The following USP34 variants were observed in gnomAD, a reference collection of about 807,000 sequenced individuals.
USP34 encodes the protein ubiquitin specific peptidase 34, also known as ubiquitin carboxyl-terminal hydrolase 34.
USP34 carries 70 observed loss-of-function variants against 460.3 expected under a neutral mutation model. The ratio of observed to expected loss-of-function variants is 0.15; its 90% confidence interval spans 0.13 to 0.19. The LOEUF (loss-of-function observed/expected upper bound fraction) is 0.19. USP34 is among the 10% of genes least tolerant of loss of function. USP34 has a pLI of 1.00. For missense variants in USP34, 3,985 were observed against 4,236.2 expected (o/e 0.94, Z 1.65); for synonymous variants, 1,647 against 1,405.3 (o/e 1.17, Z -3.85).
intron 6 of USP34, among the ~76,000 whole-genome samples, chr2:61,382,680 C>T (rs1693008862): frequency 6.6e-6 from 1 of 152,200 alleles, no homozygotes; most frequent in African/African-American, 2.4e-5. Context: ...AGAATCCTGA[C>T]AGTTCATACT....
intron 58 of USP34, among the ~76,000 whole-genome samples, chr2:61,231,051 C>T (rs1236808571): frequency 2.0e-5 from 3 of 152,054 alleles, no homozygotes; most frequent in Non-Finnish European, 2.9e-5. Context: ...ATTTGACAAA[C>T]TATTTGGCAA....
intron 76 of USP34, among the ~76,000 whole-genome samples, chr2:61,192,012 T>G (rs1216892207): frequency 6.6e-6 from 1 of 152,228 alleles, no homozygotes; most frequent in East Asian, 1.9e-4. Context: ...ATAAGGTCTC[T>G]ACACTTGAGT....
chr2:61,358,233 T>TA (rs1431935990), intron 10 of USP34, among the ~76,000 whole-genome samples: 2 of 151,134 alleles, frequency 1.3e-5, no homozygotes, highest in East Asian at 1.9e-4. Context: ...AGAATGTTAA[T>TA]AGAGAAAACT....
intron 70 of USP34, 180 bp from the exon 71 acceptor site, chr2:61,207,066 C>T: frequency 1.8e-6 from 1 of 567,474 alleles, no homozygotes; most frequent in East Asian, 3.1e-5. Context: ...CTCTTTTAAA[C>T]ATTCCTCACC....
At chr2:61,248,267 C>G (rs965556019) in intron 49 of USP34, among the ~76,000 whole-genome samples, 2 of 149,162 alleles carry the variant, frequency 1.3e-5, no homozygotes, top group Admixed American at 6.7e-5. Flanking sequence ...ACAAGAGCAA[C>G]AACCGTGCTT....
rs536517387 is a variant in USP34, at chr2:61,362,450, T to C, written c.1251+7871A>G. Among the ~76,000 whole-genome samples, 27 of 152,270 alleles carry C rather than the reference T, an allele frequency of 1.8e-4. No individual in the cohort carries two copies. The East Asian group carries it at 3.7e-3, about 21-fold the overall frequency. ...GAATAGACAAAATGTGGTGTACATA[T>C]ACATACACACATAGGGATATTATTC... On this transcript the variant is annotated intron_variant, in intron 10 of 79. Coordinates refer to ENST00000398571, the MANE Select transcript of USP34 (RefSeq NM_014709.4).
chr2:61,193,046 T>C, intron 75 of USP34, 66 bp from the exon 76 acceptor site: 2 of 1,275,270 alleles, frequency 1.6e-6, no homozygotes, highest in Non-Finnish European at 2.2e-6. Flanking sequence ...TACTCAACTC[T>C]GCAGGTACAA....
At chr2:61,364,923 C>T (rs574535508) in intron 10 of USP34, among the ~76,000 whole-genome samples, 7 of 151,144 alleles carry the variant, frequency 4.6e-5, no homozygotes, top group Non-Finnish European at 1.0e-4. Flanking sequence ...GAGCAAGACT[C>T]TGTCTCAAAA....
At chr2:61,304,260 T>G (rs1046713121) in intron 27 of USP34, among the ~76,000 whole-genome samples, 3 of 152,190 alleles carry the variant, frequency 2.0e-5, no homozygotes, top group African/African-American at 7.2e-5. Context: ...TGATTGATAT[T>G]TGCAATATTA....
At chr2:61,284,982 G>C (rs1379128819) in intron 34 of USP34, 25 bp from the exon 35 acceptor site, 1 of 1,569,858 alleles carries the variant, frequency 6.4e-7, no homozygotes, top group South Asian at 1.1e-5. Context: ...CATTTTAAAA[G>C]ATATTTAAAT....
chr2:61,435,307 C>CAAAAAAAAAAAAAAAAAAAAAAAAA (rs59158283), intron 1 of USP34, among the ~76,000 whole-genome samples: 1 of 40,950 alleles, frequency 2.4e-5, no homozygotes, highest in African/African-American at 1.0e-4. Context: ...GACCTTGTTT[C>CAAAAAAAAAAAAAAAAAAAAAAAAA]AAAAAAAAAA....
intron 2 of USP34, chr2:61,416,825 G>GGT (rs1694208982): frequency 2.6e-6 from 1 of 390,284 alleles, no homozygotes; most frequent in Non-Finnish European, 4.5e-6. Flanking sequence ...TTTTTTTGGG[G>GGT]GGGGGGACAG....
At chr2:61,466,577 G>A (rs1306422922) in intron 1 of USP34, among the ~76,000 whole-genome samples, 2 of 152,142 alleles carry the variant, frequency 1.3e-5, no homozygotes, top group African/African-American at 4.8e-5. Context: ...TGTACACCAT[G>A]AATATGTAAA....
At chr2:61,450,091 A>C (rs1695227473) in intron 1 of USP34, among the ~76,000 whole-genome samples, 1 of 97,368 alleles carries the variant, frequency 1.0e-5, no homozygotes, top group Admixed American at 9.9e-5. Flanking sequence ...AAATACAAAA[A>C]GTCTTAAACA....
At position 61,256,484 on chromosome 2, in the gene USP34, T is replaced by C. The variant is rs1356869129; in HGVS notation, c.6127-6A>G. 2 of 1,564,028 alleles carry C rather than the reference T, an allele frequency of 1.3e-6. No homozygotes were observed. The highest frequency in any genetic ancestry group is 1.7e-6 in the Non-Finnish European group (2 of 1,151,866). On this transcript the variant is annotated splice_region_variant and splice_polypyrimidine_tract_variant and intron_variant, in intron 47 of 79. Coordinates refer to ENST00000398571, the MANE Select transcript of USP34 (RefSeq NM_014709.4). ...GTAACTTCATCAAGAGATTCCTGTG[T>C]ATAAAACCACATTTAAAAGTTTCAT...
chr2:61,217,268 C>A (rs1687430125), intron 67 of USP34, among the ~76,000 whole-genome samples: 2 of 152,172 alleles, frequency 1.3e-5, no homozygotes, highest in South Asian at 4.1e-4. Context: ...AGTCCTGGAT[C>A]TAGTTGTATG....
Position 61,278,222 on chromosome 2 carries a change from C to T in USP34, c.5376G>A (p.Arg1792=). 4 of 1,613,652 alleles carry T rather than the reference C, an allele frequency of 2.5e-6. No individual in the cohort carries two copies. The highest frequency in any genetic ancestry group is 2.5e-6 in the Non-Finnish European group (3 of 1,179,802). The change falls in exon 41 of 80, where the codon AGG becomes AGA. Residue 1792 remains arginine, a synonymous_variant. Transcript: ENST00000398571. ...TGTGTTTAACAACACTTGTTGCAAG[C>T]CTTAGGAGTCCTGTAAGCCCATCAT... is the stretch of plus-strand genomic sequence containing the variant. The part of the protein sequence containing the change: ...VEDDGLTGLL[R]LATSVVKHKP...
At chr2:61,370,625 T>G in intron 8 of USP34, 46 bp from the exon 9 acceptor site, 1 of 1,560,978 alleles carries the variant, frequency 6.4e-7, no homozygotes, top group Non-Finnish European at 8.7e-7. Flanking sequence ...AATTGTCATC[T>G]TTTCTCATGT....
intron 3 of USP34, among the ~76,000 whole-genome samples, chr2:61,400,110 ATTT>A (rs70963424): frequency 2.1e-5 from 3 of 141,692 alleles, no homozygotes; most frequent in Non-Finnish European, 3.1e-5. Context: ...AGGAAAGGCA[ATTT>A]TTTTTTTTTT....
Sources: gnomAD v4.1 joint callset for allele counts (sites outside exome capture counted in the v4.1 genomes callset) on GRCh38, gnomAD v4.1.1 for gene constraint, MANE v1.5 for transcripts, NCBI Gene and HGNC (gene_info 2026-07-23, HGNC 2026-07-21) for gene names.